The following MSH5 variants were observed in gnomAD, a reference collection of about 807,000 sequenced individuals.
MSH5 encodes mutS protein homolog 5.
A neutral mutation model predicts 107.7 loss-of-function variants in MSH5; 78 were observed. The observed-to-expected ratio is 0.72, with a 90% CI of 0.60 to 0.87. MSH5 has a LOEUF of 0.87. Ranked by LOEUF, MSH5 falls within the 40% of genes least tolerant of loss-of-function variation. MSH5 has a pLI of 0.00. For synonymous variants in MSH5, 326 were observed against 399.5 expected (o/e 0.82, Z 2.19); for missense variants, 889 against 1,046.6 (o/e 0.85, Z 2.08).
At position 31,757,820 on chromosome 6, in the gene MSH5, C is replaced by T. The variant is rs28399975; in HGVS notation, c.1015-345C>T. 3.8e-3 allele frequency: 1,369 copies of T among 355,830 alleles called. 22 individuals are homozygous for T. The highest frequency in any genetic ancestry group is 0.026 in the African/African-American group (1,228 of 46,532). The allele number at this position is 355,830 out of a possible 1,614,324, so 22.0% of individuals were successfully genotyped here. On this transcript the variant is annotated intron_variant, in intron 12 of 24. Transcript: ENST00000375750. Reference sequence around the variant, plus strand: ...AAGTAGCTGGAATTACATGTGCATGCCACCAAGCCCAGTTAATTTTTGTAT... The same window carrying T: ...AAGTAGCTGGAATTACATGTGCATGTCACCAAGCCCAGTTAATTTTTGTAT...
chr6:31,755,357 T>TATTC (rs1810357883), intron 12 of MSH5, among the ~76,000 whole-genome samples: 1 of 151,038 alleles, frequency 6.6e-6, no homozygotes, highest in South Asian at 2.1e-4. Context: ...TTTATTTATT[T>TATTC]ATTTATTTAT....
chr6:31,753,503 GCTT>G, intron 11 of MSH5, 61 bp from the exon 12 acceptor site: 2 of 1,613,484 alleles, frequency 1.2e-6, no homozygotes, highest in Non-Finnish European at 1.7e-6. Context: ...TGGGCAGTGG[GCTT>G]CTTGAGGGGC....
At position 31,745,232 on chromosome 6, in the gene MSH5, G is replaced by A. The variant is rs774283169; in HGVS notation, c.684-5G>A. 8.7e-6 allele frequency: 14 copies of A among 1,603,056 alleles called. No homozygotes were observed. Among genetic ancestry groups the A allele is most frequent in the Non-Finnish European group, 1.0e-5 (12 of 1,170,868 alleles). ...ACCCCAAACTCCTCCATTTCTCCTC[G>A]ACAGTGTTCTACAGATTTTTAAGAG... is the stretch of plus-strand genomic sequence containing the variant. On this transcript the variant is annotated splice_region_variant and splice_polypyrimidine_tract_variant and intron_variant, in intron 8 of 24. Coordinates refer to ENST00000375750, the MANE Select transcript of MSH5 (RefSeq NM_172166.4).
In MSH5 at chr6:31,740,431, G is replaced by A. The variant is rs1475698668; in HGVS notation, c.-13-23G>A. ...CTCTGTGAATCGTTGCTTCCGAACC[G>A]CCCTCACTTTTTGCATCCGCAGAGC... On this transcript the variant is annotated intron_variant, in intron 1 of 24. Transcript: ENST00000375750. The surrounding 1 kb of genome is among the most constrained non-coding windows in gnomAD (Gnocchi z 4.4). 1.3e-6 allele frequency: 2 copies of A among 1,543,964 alleles called. No individual in the cohort carries two copies. Among genetic ancestry groups the A allele is most frequent in the Non-Finnish European group, 1.7e-6 (2 of 1,143,856 alleles).
chr6:31,747,485 C>T, intron 10 of MSH5, 53 bp downstream of exon 10: 2 of 1,564,078 alleles, frequency 1.3e-6, no homozygotes, highest in Non-Finnish European at 1.8e-6. Context: ...CATATGCACA[C>T]TACATACTAA....
chr6:31,746,831 G>A (rs971411379), intron 9 of MSH5, among the ~76,000 whole-genome samples: 1 of 151,322 alleles, frequency 6.6e-6, no homozygotes, highest in Non-Finnish European at 1.5e-5. Context: ...TATTTGTTTC[G>A]TTTTGTTTTG....
In MSH5 at chr6:31,745,315, C is replaced by A. The variant is rs1465878506; in HGVS notation, c.762C>A (p.Leu254=). ...GTGGACTGAAGGAGGGGCTCAGCCT[C>A]TTTGGTAGGTGTGCCCCATCCCTCA... ...VASGLKEGLS[L]FGILNRCHCK... Residue 254 remains leucine, a synonymous_variant, in exon 9 of 25, where the codon CTC becomes CTA. Transcript: ENST00000375750. The A allele has an allele frequency of 6.2e-7, 1 of 1,609,856 alleles. No homozygotes were observed. The highest frequency in any genetic ancestry group is 1.7e-4 in the Middle Eastern group (1 of 6,058).
At position 31,750,143 on chromosome 6, in the gene MSH5, T is replaced by C. The variant is rs1172592031; in HGVS notation, c.812+2711T>C. Among the ~76,000 whole-genome samples the C allele has an allele frequency of 3.9e-5, 6 of 152,316 alleles. No individual in the cohort carries two copies. The East Asian group carries it at 1.2e-3, about 29-fold the overall frequency. On this transcript the variant is annotated intron_variant, in intron 10 of 24. Transcript: ENST00000375750. Reference sequence around the variant, plus strand: ...TCCCCAAATGGAATCAGACAGGGCATGAGATCATATAACTTGAAGAATCAT... The same window carrying C: ...TCCCCAAATGGAATCAGACAGGGCACGAGATCATATAACTTGAAGAATCAT...
chr6:31,757,508 A>G (rs3131378), intron 12 of MSH5: 11,671 of 152,054 alleles, frequency 0.077, 562 homozygotes, highest in Non-Finnish European at 0.11. Context: ...ATGGCCTTTT[A>G]TAGCTATATT....
intron 24 of MSH5, 49 bp from the exon 25 acceptor site, chr6:31,762,371 T>G: frequency 7.0e-7 from 1 of 1,432,382 alleles, no homozygotes; most frequent in Non-Finnish European, 9.8e-7. Flanking sequence ...TGCCCAGGGA[T>G]TTGGTTGTCC....
chr6:31,760,406 A>G lies in MSH5; in HGVS notation c.1812+190A>G, dbSNP rs1394944529. Among the ~76,000 whole-genome samples, 2 of 152,174 alleles carry G rather than the reference A, an allele frequency of 1.3e-5. No individual in the cohort carries two copies. Among genetic ancestry groups the G allele is most frequent in the Admixed American group, 6.5e-5 (1 of 15,274 alleles). On this transcript the variant is annotated intron_variant, in intron 19 of 24. Coordinates refer to ENST00000375750, the MANE Select transcript of MSH5 (RefSeq NM_172166.4). The surrounding 1 kb of genome is among the most constrained non-coding windows in gnomAD (Gnocchi z 5.6). ...ATTCTCCACTGGAGAGCCATGCTCTAATGGAACTTTCCGTGGCCCAAATTC... is the reference window on the plus strand; with the variant it reads ...ATTCTCCACTGGAGAGCCATGCTCTGATGGAACTTTCCGTGGCCCAAATTC...
chr6:31,753,900 A>G (rs554837040), intron 12 of MSH5: 140 of 384,318 alleles, frequency 3.6e-4, no homozygotes, highest in Non-Finnish European at 4.0e-5. Flanking sequence ...AAATTTTTGT[A>G]TTTTTAGTAG....
intron 5 of MSH5, chr6:31,743,415 G>A (rs1809101086): frequency 7.2e-6 from 4 of 554,422 alleles, no homozygotes; most frequent in Non-Finnish European, 1.3e-5. Context: ...GAGGAGTGGT[G>A]ACACTTTTTG....
Position 31,742,887 on chromosome 6 carries a change from G to C in MSH5, c.282G>C (p.Glu94Asp). ...TGTTCTCCTTCCAAGTTCTGGATGA[G>C]ATCAATCCCCAGTCTGTTGTTACGA... Reference protein sequence around the residue: ...SLKLLQRVLDEINPQSVVTSA... With the variant: ...SLKLLQRVLDDINPQSVVTSA... The change falls in exon 4 of 25, where the codon GAG (glutamate) becomes GAC (aspartate). Residue 94 changes from glutamate (E) to aspartate (D), a missense_variant. Glu to Asp is a conservative substitution (Grantham distance 45). Transcript: ENST00000375750. The C allele has an allele frequency of 6.2e-7, 1 of 1,613,030 alleles. No individual in the cohort carries two copies. The highest frequency in any genetic ancestry group is 8.5e-7 in the Non-Finnish European group (1 of 1,180,012).
rs771490466 is a variant in MSH5 at position 31,743,188 on chromosome 6, C to T, written c.415+18C>T. On this transcript the variant is annotated intron_variant, in intron 5 of 24. Transcript: ENST00000375750. The stretch of plus-strand genomic sequence containing the variant: ...GGATTTTGGTATCTCCTTCCTTTTG[C>T]TTTGCCTAACTCCCTGTTCCGGTGT... 76 of 1,611,390 alleles carry T rather than the reference C, an allele frequency of 4.7e-5. No homozygotes were observed. In the African/African-American group the frequency reaches 9.8e-4, roughly 21 times the overall value.
At chr6:31,756,258 C>T (rs548597829) in intron 12 of MSH5, among the ~76,000 whole-genome samples, 105 of 152,248 alleles carry the variant, frequency 6.9e-4, no homozygotes, top group African/African-American at 2.3e-3. Context: ...GCAACCTCCG[C>T]CTCCTGAGTT....
rs1352005880 is a variant in MSH5, at chr6:31,759,164, G to A, written c.1394G>A (p.Gly465Glu). The A allele has an allele frequency of 1.2e-6, 2 of 1,612,898 alleles. No individual in the cohort carries two copies. Among genetic ancestry groups the A allele is most frequent in the Non-Finnish European group, 1.7e-6 (2 of 1,179,972 alleles). Reference protein sequence around the residue: ...MVEASDFEINGLDFMFLSEEK... With the variant: ...MVEASDFEINELDFMFLSEEK... ...GAGGCCAGTGACTTTGAGATTAATG[G>A]ACTGGACTTCATGGTAAGACCCTCA... Residue 465 changes from glycine (G) to glutamate (E), a missense_variant, in exon 16 of 25, where the codon GGA becomes GAA. Gly to Glu is a moderately conservative substitution (Grantham distance 98, BLOSUM62 -2). Transcript: ENST00000375750. This position sits in a 1 kb window ranked among gnomAD's most constrained non-coding sequence, Gnocchi z 4.7.
At chr6:31,762,037 A>G (rs1811061804) in intron 23 of MSH5, 75 bp from the exon 24 acceptor site, 1 of 1,612,216 alleles carries the variant, frequency 6.2e-7, no homozygotes, top group Non-Finnish European at 8.5e-7. Context: ...GTCTAGGTCC[A>G]CAGGATTTCT....
intron 3 of MSH5, among the ~76,000 whole-genome samples, chr6:31,741,688 T>C (rs920222582): frequency 1.3e-5 from 2 of 152,130 alleles, no homozygotes; most frequent in Non-Finnish European, 2.9e-5. Context: ...AGCCATGTTT[T>C]ACTTACATTA....
Sources: gnomAD v4.1 joint callset for allele counts (sites outside exome capture counted in the v4.1 genomes callset) on GRCh38, gnomAD v4.1.1 for gene constraint, Gnocchi (gnomAD v3.1) non-coding constraint, MANE v1.5 for transcripts, NCBI Gene and HGNC (gene_info 2026-07-23, HGNC 2026-07-21) for gene names.